Variants in GPC4 observed in about 807,000 individuals in gnomAD.
The protein encoded by GPC4 is glypican 4.
GPC4 carries 10 observed loss-of-function variants against 35.0 expected under a neutral mutation model. The observed-to-expected ratio is 0.29, with a 90% CI of 0.18 to 0.48. The LOEUF is 0.48. GPC4 is among the 20% of genes least tolerant of loss of function. The probability of loss-of-function intolerance (pLI) is 0.99; values close to 1 mark genes in which losing one functional copy is unlikely to be tolerated. For synonymous variants in GPC4, 167 were observed against 170.2 expected (o/e 0.98, Z 0.15); for missense variants, 322 against 451.3 (o/e 0.71, Z 2.60).
At chrX:133,341,308 T>C (rs1220545187) in intron 1 of GPC4, among the ~76,000 whole-genome samples, 1 of 112,194 alleles carries the variant, frequency 8.9e-6, no homozygotes, top group East Asian at 2.8e-4. Context: ...GCTGTCACTA[T>C]ATTAAATAAT....
At chrX:133,315,376 T>C (rs1215847985) in intron 3 of GPC4, among the ~76,000 whole-genome samples, 1 of 110,553 alleles carries the variant, frequency 9.0e-6, no homozygotes, top group African/African-American at 3.3e-5. Context: ...TACTGTCACA[T>C]GGTAATATAC....
chrX:133,375,797 A>G (rs1474225878), intron 1 of GPC4, among the ~76,000 whole-genome samples: 2 of 111,953 alleles, frequency 1.8e-5, no homozygotes, highest in Non-Finnish European at 3.8e-5. Flanking sequence ...TGAGTATCCA[A>G]ATTTGAACCT....
At position 133,339,325 on chromosome X, in the gene GPC4, G is replaced by T. The variant is rs770529114; in HGVS notation, c.177C>A (p.Ile59=). The T allele has an allele frequency of 1.4e-5, 17 of 1,207,372 alleles. No homozygotes were observed. Among genetic ancestry groups the T allele is most frequent in the Non-Finnish European group, 1.8e-5 (16 of 893,845 alleles). The change falls in exon 2 of 9, where the codon ATC becomes ATA. Residue 59 remains isoleucine, a synonymous_variant. Transcript: ENST00000370828. ...AGCAGCAGGTAGAACCCTGGGGACA[G>T]ATCTTCAAATGATCACCTGCAAGAT... ...LHEINGDHLK[I]CPQGSTCCSQ...
intron 2 of GPC4, among the ~76,000 whole-genome samples, chrX:133,333,382 G>A (rs191638743): frequency 2.7e-5 from 3 of 112,939 alleles, no homozygotes; most frequent in Non-Finnish European, 5.6e-5. Context: ...CTTTGGGCTC[G>A]TAAAGCTGCA....
intron 1 of GPC4, among the ~76,000 whole-genome samples, chrX:133,395,234 AT>A (rs1388606332): frequency 8.9e-6 from 1 of 112,053 alleles, no homozygotes; most frequent in Non-Finnish European, 1.9e-5. Flanking sequence ...ACCTATTGTT[AT>A]TAAATTAATA....
intron 3 of GPC4, among the ~76,000 whole-genome samples, chrX:133,315,108 G>GTT (rs768185435): frequency 1.6e-4 from 15 of 94,024 alleles, no homozygotes; most frequent in Admixed American, 3.4e-4. Context: ...AAGTGTTTGG[G>GTT]TTTTTTTTTT....
chrX:133,312,649 GA>G (rs1378953061), intron 3 of GPC4, among the ~76,000 whole-genome samples: 1 of 81,606 alleles, frequency 1.2e-5, no homozygotes, highest in Admixed American at 1.2e-4. Context: ...AAGAAAGGAA[GA>G]AAGGAAGAAG....
At chrX:133,325,109 C>T (rs2068385563) in intron 2 of GPC4, among the ~76,000 whole-genome samples, 1 of 110,921 alleles carries the variant, frequency 9.0e-6, no homozygotes, top group African/African-American at 3.3e-5. Context: ...CATAATCAAA[C>T]ACCCCTACAA....
At chrX:133,312,111 A>G (rs2124109907) in intron 3 of GPC4, among the ~76,000 whole-genome samples, 1 of 111,265 alleles carries the variant, frequency 9.0e-6, no homozygotes, top group South Asian at 3.9e-4. Context: ...TTGATGAAAG[A>G]GGTGGGGCTT....
chrX:133,302,418 T>C lies in GPC4; in HGVS notation c.*449A>G, dbSNP rs1409773105. ...GGCTTTTTCTTTTAATAAGATAACA[T>C]GATAAATAAAACCTGCTTCTGTACA... is the stretch of plus-strand genomic sequence containing the variant. On this transcript the variant is annotated 3_prime_UTR_variant, in exon 9 of 9. Coordinates refer to ENST00000370828, the MANE Select transcript of GPC4 (RefSeq NM_001448.3). The C allele has an allele frequency of 3.5e-5, 4 of 113,491 alleles. No homozygotes were observed. The highest frequency in any genetic ancestry group is 7.4e-5 in the Non-Finnish European group (4 of 54,349). The allele number at this position is 113,491 out of a possible 1,213,427, so 9.4% of individuals were successfully genotyped here.
chrX:133,340,480 G>A lies in GPC4; in HGVS notation c.161-1139C>T, dbSNP rs181414379. Among the ~76,000 whole-genome samples the A allele has an allele frequency of 4.7e-3, 529 of 111,934 alleles. 4 individuals are homozygous for A. The highest frequency in any genetic ancestry group is 7.9e-3 in the Non-Finnish European group (422 of 53,195). On this transcript the variant is annotated intron_variant, in intron 1 of 8. Coordinates refer to ENST00000370828, the MANE Select transcript of GPC4 (RefSeq NM_001448.3). Reference sequence around the variant, plus strand: ...GGGTCTGAAAAGAGAGATGATCTGAGGAACTCAGGAATGAGTATACTGAAG... The same window carrying A: ...GGGTCTGAAAAGAGAGATGATCTGAAGAACTCAGGAATGAGTATACTGAAG...
At chrX:133,371,187 G>C (rs1266650155) in intron 1 of GPC4, among the ~76,000 whole-genome samples, 1 of 112,260 alleles carries the variant, frequency 8.9e-6, no homozygotes, top group East Asian at 2.8e-4. Context: ...AAATATAAAT[G>C]TAATTGGAAA....
chrX:133,377,866 C>T (rs866703238), intron 1 of GPC4, among the ~76,000 whole-genome samples: 135 of 99,906 alleles, frequency 1.4e-3, no homozygotes, highest in Middle Eastern at 5.2e-3. Flanking sequence ...GTATACCATA[C>T]TTTTCTTTTT....
chrX:133,318,201 T>C (rs945543453), intron 3 of GPC4, among the ~76,000 whole-genome samples: 6 of 112,281 alleles, frequency 5.3e-5, no homozygotes, highest in Non-Finnish European at 9.4e-5. Context: ...ATTTTAATAT[T>C]GTGAGTGAAA....
Position 133,358,190 on chromosome X carries a change from G to T in GPC4, c.161-18849C>A, listed in dbSNP as rs181669948. ...GATTAAAGAAAAACAAAATATTAAA[G>T]GTTGATTCTTATGAGAGTGCCATTA... On this transcript the variant is annotated intron_variant, in intron 1 of 8. Transcript: ENST00000370828. 2.0e-4 allele frequency among the ~76,000 whole-genome samples: 22 copies of T among 111,785 alleles called. No individual in the cohort carries two copies. In the East Asian group the frequency reaches 6.2e-3, roughly 32 times the overall value.
intron 1 of GPC4, among the ~76,000 whole-genome samples, chrX:133,394,937 T>C (rs1451761957): frequency 8.9e-6 from 1 of 111,916 alleles, no homozygotes; most frequent in Non-Finnish European, 1.9e-5. Context: ...GCCTCCATAA[T>C]ACATTCTTTC....
intron 1 of GPC4, among the ~76,000 whole-genome samples, chrX:133,382,319 G>A (rs994434657): frequency 4.7e-5 from 5 of 106,541 alleles, no homozygotes; most frequent in Admixed American, 1.0e-4. Context: ...CCAGCTACTT[G>A]GGAGGCTGAG....
At chrX:133,361,291 G>A (rs1051153599) in intron 1 of GPC4, among the ~76,000 whole-genome samples, 2 of 111,932 alleles carry the variant, frequency 1.8e-5, no homozygotes, top group East Asian at 2.8e-4. Context: ...CTGGTGATAC[G>A]CTACCAGAAA....
chrX:133,412,095 T>C (rs891217786), intron 1 of GPC4, among the ~76,000 whole-genome samples: 2 of 111,746 alleles, frequency 1.8e-5, no homozygotes, highest in Non-Finnish European at 3.8e-5. Flanking sequence ...ACCTGGAAAA[T>C]GATCCTGGGT....
Sources: allele counts gnomAD v4.1 joint callset (sites outside exome capture counted in the v4.1 genomes callset), GRCh38; gene constraint gnomAD v4.1.1; transcripts MANE v1.5; gene names NCBI Gene and HGNC (gene_info 2026-07-23, HGNC 2026-07-21).